Variants in CADM2 observed in about 807,000 individuals in gnomAD.
CADM2 encodes immunoglobulin superfamily member 4D.
Under a neutral mutation model 49.8 loss-of-function variants are expected in CADM2, and 12 were observed. That is an observed-to-expected ratio of 0.24 (90% CI 0.15 to 0.39). The LOEUF (loss-of-function observed/expected upper bound fraction) is 0.39, where lower values mean the gene tolerates loss of function less well. Ranked by LOEUF, CADM2 falls within the 10% of genes least tolerant of loss-of-function variation. The pLI is 1.00. For synonymous variants in CADM2, 214 were observed against 175.4 expected, an observed-to-expected ratio of 1.22 and a Z score of -1.74; for missense variants, 378 against 492.3, an observed-to-expected ratio of 0.77 and a Z score of 2.20.
intron 1 of CADM2, among the ~76,000 whole-genome samples, chr3:85,065,635 A>G (rs1017163792): frequency 3.3e-5 from 5 of 152,182 alleles, no homozygotes; most frequent in Admixed American, 6.6e-5. Flanking sequence ...TTTAAAATCC[A>G]TATTTGCTGA....
At chr3:85,027,164 G>T (rs1333361019) in intron 1 of CADM2, among the ~76,000 whole-genome samples, 5 of 122,792 alleles carry the variant, frequency 4.1e-5, no homozygotes, top group African/African-American at 1.3e-4. Flanking sequence ...ACCCAGGCTG[G>T]AGTGTAGTGG....
At chr3:85,122,361 C>T (rs569946509) in intron 1 of CADM2, among the ~76,000 whole-genome samples, 64 of 152,194 alleles carry the variant, frequency 4.2e-4, no homozygotes, top group African/African-American at 1.5e-3. Context: ...AGTTACTGGA[C>T]CTTTTTACTG....
intron 8 of CADM2, among the ~76,000 whole-genome samples, chr3:85,988,577 C>T (rs914202097): frequency 5.9e-5 from 9 of 152,066 alleles, no homozygotes; most frequent in East Asian, 1.9e-4. Flanking sequence ...AGATCAATAA[C>T]GTGTAGCTGT....
At chr3:85,091,311 C>A (rs1254494048) in intron 1 of CADM2, among the ~76,000 whole-genome samples, 1 of 151,746 alleles carries the variant, frequency 6.6e-6, no homozygotes, top group African/African-American at 2.4e-5. Flanking sequence ...TCTAGTTATG[C>A]GTAATCTGTA....
intron 1 of CADM2, among the ~76,000 whole-genome samples, chr3:85,555,434 GAAA>G (rs1215721877): frequency 6.6e-6 from 1 of 152,100 alleles, no homozygotes; most frequent in Non-Finnish European, 1.5e-5. Context: ...TAGTGACAAG[GAAA>G]AGAAGCTGGG....
chr3:85,746,357 G>A (rs1334920842), intron 2 of CADM2, among the ~76,000 whole-genome samples: 1 of 152,090 alleles, frequency 6.6e-6, no homozygotes, highest in Non-Finnish European at 1.5e-5. Flanking sequence ...ATTTGGAAAA[G>A]CCCTGTGTGT....
At chr3:85,587,477 C>T (rs528099078) in intron 1 of CADM2, among the ~76,000 whole-genome samples, 3 of 151,974 alleles carry the variant, frequency 2.0e-5, no homozygotes, top group Non-Finnish European at 2.9e-5. Context: ...ATTGTCTTGA[C>T]ATGGATTGCC....
chr3:85,907,095 T>G (rs1193565954), intron 5 of CADM2, among the ~76,000 whole-genome samples: 6 of 152,188 alleles, frequency 3.9e-5, no homozygotes, highest in Admixed American at 3.9e-4. Flanking sequence ...CTGAGTTCGT[T>G]CACTCCTAAT....
At chr3:85,381,425 A>G (rs980811695) in intron 1 of CADM2, among the ~76,000 whole-genome samples, 1 of 146,836 alleles carries the variant, frequency 6.8e-6, no homozygotes, top group African/African-American at 2.5e-5. Context: ...ATGTTGCTTT[A>G]TATATATATA....
At chr3:85,655,707 A>G (rs1451102327) in intron 1 of CADM2, among the ~76,000 whole-genome samples, 2 of 152,178 alleles carry the variant, frequency 1.3e-5, no homozygotes, top group Non-Finnish European at 2.9e-5. Context: ...CAGAAATTCA[A>G]ACCCAAACCC....
At chr3:85,625,780 T>G (rs1284361905) in intron 1 of CADM2, among the ~76,000 whole-genome samples, 1 of 151,970 alleles carries the variant, frequency 6.6e-6, no homozygotes, top group Non-Finnish European at 1.5e-5. Flanking sequence ...CGTACTGTGA[T>G]ACATATCAAA....
At position 85,273,851 on chromosome 3, in the gene CADM2, C is replaced by T. The variant is rs185128403; in HGVS notation, c.61+314183C>T. 1.8e-3 allele frequency among the ~76,000 whole-genome samples: 272 copies of T among 151,472 alleles called. 1 individual carries two copies. The highest frequency in any genetic ancestry group is 6.3e-3 in the African/African-American group (262 of 41,436). ...TTAAAACCATGATATTGGATGAAAT[C>T]CCAAGGGAGATGGACGTAAGAAGAG... On this transcript the variant is annotated intron_variant, in intron 1 of 9. Coordinates refer to ENST00000383699, the MANE Select transcript of CADM2 (RefSeq NM_001167675.2).
chr3:85,518,603 C>A (rs1009645446), intron 1 of CADM2, among the ~76,000 whole-genome samples: 7 of 152,146 alleles, frequency 4.6e-5, no homozygotes, highest in African/African-American at 1.4e-4. Context: ...GTTCGTGGGG[C>A]CACGCTTCCT....
intron 1 of CADM2, among the ~76,000 whole-genome samples, chr3:85,291,240 A>G (rs925364463): frequency 2.0e-5 from 3 of 152,028 alleles, no homozygotes; most frequent in Admixed American, 6.5e-5. Flanking sequence ...TTTAGAGAAA[A>G]AAGAATAAAA....
At chr3:86,014,810 T>C (rs2106946640) in intron 8 of CADM2, 1 of 1,487,176 alleles carries the variant, frequency 6.7e-7, no homozygotes, top group East Asian at 2.3e-5. Context: ...ATATAGAGCT[T>C]CCATCCACCA....
chr3:85,429,149 T>C (rs11127889), intron 1 of CADM2, among the ~76,000 whole-genome samples: 2,075 of 152,178 alleles, frequency 0.014, 118 homozygotes, highest in South Asian at 0.11. Context: ...GTCCTGTATA[T>C]GCTATTAGAA....
intron 1 of CADM2, among the ~76,000 whole-genome samples, chr3:85,151,291 T>A (rs998289868): frequency 6.6e-6 from 1 of 152,160 alleles, no homozygotes; most frequent in African/African-American, 2.4e-5. Context: ...AAACTCTTCC[T>A]CTTAAAAGCA....
At chr3:85,826,407 A>G (rs2073913277) in intron 3 of CADM2, among the ~76,000 whole-genome samples, 1 of 152,124 alleles carries the variant, frequency 6.6e-6, no homozygotes, top group Non-Finnish European at 1.5e-5. Context: ...AATCATTAAA[A>G]TAACAGTAAT....
intron 1 of CADM2, among the ~76,000 whole-genome samples, chr3:85,224,361 C>T (rs1295658548): frequency 6.6e-6 from 1 of 152,152 alleles, no homozygotes; most frequent in East Asian, 1.9e-4. Flanking sequence ...CGATGATGAG[C>T]ATTTTTTCAT....
Sources: allele counts gnomAD v4.1 joint callset (sites outside exome capture counted in the v4.1 genomes callset), GRCh38; gene constraint gnomAD v4.1.1; transcripts MANE v1.5; gene names NCBI Gene and HGNC (gene_info 2026-07-23, HGNC 2026-07-21).